IQCH: variants seen among roughly 807,000 people sequenced by gnomAD.
The protein encoded by IQCH is IQ motif containing H.
In IQCH, 98 loss-of-function variants were observed where a neutral mutation model predicts 117.0. The ratio of observed to expected loss-of-function variants is 0.84; its 90% confidence interval spans 0.71 to 0.99. IQCH has a LOEUF of 0.99. Among genes scored for constraint, IQCH ranks in the 50% least tolerant of loss-of-function variants. The pLI is 0.00. For missense variants in IQCH, 1,102 were observed against 1,243.8 expected, an observed-to-expected ratio of 0.89 and a Z score of 1.72; for synonymous variants, 412 against 448.2, an observed-to-expected ratio of 0.92 and a Z score of 1.02.
rs911759231 is a variant in IQCH, at chr15:67,493,659, A to AT, written c.2862-591dup. The stretch of plus-strand genomic sequence containing the variant: ...CAGTTCTCCTAAAGTAACTTAAACC[A>AT]TTTTTTTTAATTATTATACTTTAAG... On this transcript the variant is annotated intron_variant, in intron 19 of 20. Coordinates refer to ENST00000335894, the MANE Select transcript of IQCH (RefSeq NM_001031715.3). The surrounding 1 kb of genome is among the most constrained non-coding windows in gnomAD (Gnocchi z 5.1). 9.2e-5 allele frequency among the ~76,000 whole-genome samples: 14 copies of AT among 152,126 alleles called. No homozygotes were observed. Among genetic ancestry groups the AT allele is most frequent in the East Asian group, 5.8e-4 (3 of 5,184 alleles).
chr15:67,260,852 C>G (rs1034273655), intron 1 of IQCH, among the ~76,000 whole-genome samples: 1 of 152,018 alleles, frequency 6.6e-6, no homozygotes, highest in Non-Finnish European at 1.5e-5. Flanking sequence ...AATCCCAGCA[C>G]TTTGGGAGGC....
chr15:67,278,510 G>A (rs373474212), intron 3 of IQCH, among the ~76,000 whole-genome samples: 17 of 152,344 alleles, frequency 1.1e-4, no homozygotes, highest in African/African-American at 4.1e-4. Flanking sequence ...TGCAAGCTGT[G>A]ATGCTTTATA....
chr15:67,359,128 T>C lies in IQCH; in HGVS notation c.715-719T>C, dbSNP rs1970030116. On this transcript the variant is annotated intron_variant, in intron 7 of 20. Transcript: ENST00000335894. The surrounding 1 kb of genome is among the most constrained non-coding windows in gnomAD (Gnocchi z 4.5). ...CATAATAGGAACAGGCGGAGGCACCTGTTTTGATTCTCACCCTGTTGGAGC... is the reference window on the plus strand; with the variant it reads ...CATAATAGGAACAGGCGGAGGCACCCGTTTTGATTCTCACCCTGTTGGAGC... 6.6e-6 allele frequency among the ~76,000 whole-genome samples: 1 copy of C among 152,242 alleles called. No individual in the cohort carries two copies. The highest frequency in any genetic ancestry group is 2.4e-5 in the African/African-American group (1 of 41,464).
chr15:67,446,066 G>C (rs1287780967), intron 16 of IQCH, among the ~76,000 whole-genome samples: 1 of 152,084 alleles, frequency 6.6e-6, no homozygotes, highest in African/African-American at 2.4e-5. Context: ...TTTCTAAAGA[G>C]GCTCAATAGA....
intron 2 of IQCH, 130 bp downstream of exon 2, chr15:67,261,524 C>A: frequency 2.9e-6 from 2 of 681,390 alleles, no homozygotes; most frequent in Non-Finnish European, 4.8e-6. Flanking sequence ...CGTCAGCATT[C>A]TTGTTTTGTT....
rs568360805 is a variant in IQCH at position 67,384,142 on chromosome 15, C to G, written c.1373-794C>G. On this transcript the variant is annotated intron_variant, in intron 10 of 20. Coordinates refer to ENST00000335894, the MANE Select transcript of IQCH (RefSeq NM_001031715.3). The surrounding 1 kb of genome is among the most constrained non-coding windows in gnomAD (Gnocchi z 4.3). ...ATTTTAATGAAGAAAAAAAAAGTTA[C>G]ACCTACAGTTGTTGAATTTCATATA... is the stretch of plus-strand genomic sequence containing the variant. Among the ~76,000 whole-genome samples the G allele has an allele frequency of 6.6e-6, 1 of 152,110 alleles. No individual in the cohort carries two copies.
chr15:67,442,236 C>G (rs921470468), intron 16 of IQCH, among the ~76,000 whole-genome samples: 2 of 151,542 alleles, frequency 1.3e-5, no homozygotes, highest in Non-Finnish European at 2.9e-5. Flanking sequence ...CATGGAGAAA[C>G]CCCATGTCTA....
chr15:67,401,038 C>G lies in IQCH; in HGVS notation c.2097+733C>G, dbSNP rs1971640557. Among the ~76,000 whole-genome samples, 1 of 152,134 alleles carries G rather than the reference C, an allele frequency of 6.6e-6. No homozygotes were observed. The highest frequency in any genetic ancestry group is 1.5e-5 in the Non-Finnish European group (1 of 68,030). On this transcript the variant is annotated intron_variant, in intron 14 of 20. Transcript: ENST00000335894. This position sits in a 1 kb window ranked among gnomAD's most constrained non-coding sequence, Gnocchi z 4.7. Reference sequence around the variant, plus strand: ...TCACCTGGAAGCTAATGTATAATAGCATTCTGTCAGCAGTCATGTGTTTTT... The same window carrying G: ...TCACCTGGAAGCTAATGTATAATAGGATTCTGTCAGCAGTCATGTGTTTTT...
At chr15:67,258,046 A>G (rs973264680) in intron 1 of IQCH, among the ~76,000 whole-genome samples, 24 of 151,812 alleles carry the variant, frequency 1.6e-4, no homozygotes, top group African/African-American at 5.6e-4. Flanking sequence ...CCTGGCCAAC[A>G]TGGCAAAACC....
Position 67,280,186 on chromosome 15 carries a change from C to T in IQCH, c.387+674C>T, listed in dbSNP as rs78604766. Among the ~76,000 whole-genome samples the T allele has an allele frequency of 4.7e-3, 722 of 152,256 alleles. 20 individuals carry two copies. The highest frequency in any genetic ancestry group is 0.038 in the East Asian group (198 of 5,190). Reference sequence around the variant, plus strand: ...ATAGTTGTTTCAGATATGTTCATGGCATGGTCAATTTCTACAACAAAAGAG... The same window carrying T: ...ATAGTTGTTTCAGATATGTTCATGGTATGGTCAATTTCTACAACAAAAGAG... On this transcript the variant is annotated intron_variant, in intron 4 of 20. Coordinates refer to ENST00000335894, the MANE Select transcript of IQCH (RefSeq NM_001031715.3).
intron 5 of IQCH, among the ~76,000 whole-genome samples, chr15:67,343,298 A>G (rs535373589): frequency 1.3e-5 from 2 of 152,274 alleles, no homozygotes; most frequent in East Asian, 1.9e-4. Flanking sequence ...CCTACCACAA[A>G]TTTATTGCAA....
intron 4 of IQCH, among the ~76,000 whole-genome samples, chr15:67,301,284 A>G (rs1038878147): frequency 6.6e-6 from 1 of 152,076 alleles, no homozygotes; most frequent in African/African-American, 2.4e-5. Context: ...ATTGAGTCTC[A>G]TAATACAGCT....
intron 4 of IQCH, among the ~76,000 whole-genome samples, chr15:67,315,175 C>T (rs1167237152): frequency 6.6e-6 from 1 of 152,144 alleles, no homozygotes; most frequent in Non-Finnish European, 1.5e-5. Flanking sequence ...TCAAACAGAC[C>T]TGAATGTTCA....
At chr15:67,290,897 A>G (rs2140501945) in intron 4 of IQCH, among the ~76,000 whole-genome samples, 1 of 152,076 alleles carries the variant, frequency 6.6e-6, no homozygotes, top group South Asian at 2.1e-4. Flanking sequence ...TGGGGAATGC[A>G]GAGAGACTTC....
chr15:67,489,713 C>G (rs933900551), intron 18 of IQCH, among the ~76,000 whole-genome samples: 1 of 151,614 alleles, frequency 6.6e-6, no homozygotes, highest in Non-Finnish European at 1.5e-5. Flanking sequence ...AGACAGAGTG[C>G]CTGCCAAGTC....
intron 3 of IQCH, among the ~76,000 whole-genome samples, chr15:67,268,379 A>T (rs888399109): frequency 1.3e-5 from 2 of 152,202 alleles, no homozygotes; most frequent in Admixed American, 1.3e-4. Flanking sequence ...CACTTTGGCA[A>T]TGATTTTTCT....
intron 5 of IQCH, among the ~76,000 whole-genome samples, chr15:67,341,039 G>A (rs1005790972): frequency 2.0e-5 from 3 of 151,914 alleles, no homozygotes; most frequent in Non-Finnish European, 2.9e-5. Flanking sequence ...TGGCAAAACC[G>A]CAACCCCGAC....
At chr15:67,373,162 G>A (rs1454157993) in intron 9 of IQCH, among the ~76,000 whole-genome samples, 3 of 152,104 alleles carry the variant, frequency 2.0e-5, no homozygotes, top group African/African-American at 7.2e-5. Context: ...TGTTAATTAA[G>A]TGAGCTGCCT....
intron 4 of IQCH, among the ~76,000 whole-genome samples, chr15:67,330,353 T>G (rs1006475578): frequency 6.6e-6 from 1 of 152,180 alleles, no homozygotes; most frequent in Non-Finnish European, 1.5e-5. Context: ...AAGATAAAAC[T>G]GAGACTCAGA....
Sources: allele counts gnomAD v4.1 joint callset (sites outside exome capture counted in the v4.1 genomes callset), GRCh38; gene constraint gnomAD v4.1.1; non-coding constraint Gnocchi (gnomAD v3.1); transcripts MANE v1.5; gene names NCBI Gene and HGNC (gene_info 2026-07-23, HGNC 2026-07-21).